The following PIK3C2A variants were observed in gnomAD, a reference collection of about 807,000 sequenced individuals.
The protein encoded by PIK3C2A is phosphatidylinositol 4-phosphate 3-kinase C2 domain-containing subunit alpha.
PIK3C2A carries 97 observed loss-of-function variants against 204.5 expected under a neutral mutation model. That is an observed-to-expected ratio of 0.47 (90% CI 0.40 to 0.56). The LOEUF is 0.56. Among genes scored for constraint, PIK3C2A ranks in the 20% least tolerant of loss-of-function variants. PIK3C2A has a pLI of 0.00. For synonymous variants in PIK3C2A, 653 were observed against 664.4 expected (o/e 0.98, Z 0.26); for missense variants, 1,735 against 1,969.2 (o/e 0.88, Z 2.25).
intron 19 of PIK3C2A, among the ~76,000 whole-genome samples, chr11:17,116,073 T>C (rs1001344340): frequency 2.0e-5 from 3 of 152,144 alleles, no homozygotes; most frequent in African/African-American, 7.2e-5. Flanking sequence ...CATTTTTGTA[T>C]TAATATATTA....
In PIK3C2A at chr11:17,155,506, T is replaced by C. The variant is rs1181876008; in HGVS notation, c.1169+20A>G. 2.2e-6 allele frequency: 3 copies of C among 1,388,456 alleles called. No homozygotes were observed. The highest frequency in any genetic ancestry group is 3.0e-6 in the Non-Finnish European group (3 of 988,936). The allele number at this position is 1,388,456 out of a possible 1,614,324, so 86.0% of individuals were successfully genotyped here. The stretch of plus-strand genomic sequence containing the variant: ...CAAGTGAATTTTTCAAATGAACATT[T>C]ATAAAGAAAAATTCCTTACTTTGTA... On this transcript the variant is annotated intron_variant, in intron 3 of 32. Coordinates refer to ENST00000691414, the MANE Select transcript of PIK3C2A (RefSeq NM_002645.4).
At chr11:17,151,500 G>A (rs1302231366) in intron 3 of PIK3C2A, among the ~76,000 whole-genome samples, 18 of 152,166 alleles carry the variant, frequency 1.2e-4, no homozygotes. Context: ...AACAGCTTGA[G>A]ATGACAGAAA....
At chr11:17,112,423 A>C (rs541627195) in intron 21 of PIK3C2A, 151 bp downstream of exon 21, 1 of 339,100 alleles carries the variant, frequency 2.9e-6, no homozygotes, top group Admixed American at 4.8e-5. Flanking sequence ...ACTGCACTCC[A>C]GCCTGAGCGT....
At chr11:17,132,309 ACTTTAAT>A (rs1399187347) in intron 11 of PIK3C2A, among the ~76,000 whole-genome samples, 4 of 145,866 alleles carry the variant, frequency 2.7e-5, no homozygotes, top group South Asian at 2.1e-4. Context: ...TGAATAATTA[ACTTTAAT>A]TTTTTTTTTT....
intron 1 of PIK3C2A, among the ~76,000 whole-genome samples, chr11:17,175,221 C>G (rs770557526): frequency 6.6e-5 from 10 of 152,168 alleles, no homozygotes; most frequent in Non-Finnish European, 1.5e-4. Flanking sequence ...GTTTTTCTCA[C>G]ATCACCAATG....
At chr11:17,136,780 A>G (rs561702162) in intron 8 of PIK3C2A, among the ~76,000 whole-genome samples, 155 bp from the exon 9 acceptor site, 5 of 152,364 alleles carry the variant, frequency 3.3e-5, no homozygotes, top group African/African-American at 1.2e-4. Context: ...TCAATTGTAT[A>G]GTTTATTTCA....
chr11:17,106,115 A>AC (rs948532101), intron 22 of PIK3C2A, among the ~76,000 whole-genome samples: 1 of 150,582 alleles, frequency 6.6e-6, no homozygotes, highest in Non-Finnish European at 1.5e-5. Context: ...TCTCAAAAAA[A>AC]AAAAAATCAA....
intron 8 of PIK3C2A, chr11:17,137,936 A>G (rs1405991589): frequency 9.2e-6 from 4 of 434,162 alleles, no homozygotes; most frequent in African/African-American, 2.0e-5. Context: ...ATTTTTTTAA[A>G]AAGTCTTTTA....
chr11:17,106,914 C>T (rs1848838602), intron 22 of PIK3C2A, among the ~76,000 whole-genome samples: 1 of 152,216 alleles, frequency 6.6e-6, no homozygotes, highest in Non-Finnish European at 1.5e-5. Flanking sequence ...GAGATGAAGA[C>T]TGACCTTGTG....
At chr11:17,194,207 G>A (rs1156780016) in intron 1 of PIK3C2A, 3 of 416,650 alleles carry the variant, frequency 7.2e-6, no homozygotes, top group East Asian at 4.8e-5. Flanking sequence ...CCGGCCAAAC[G>A]ACAAGGACAA....
chr11:17,095,085 T>C (rs910880140), intron 27 of PIK3C2A, among the ~76,000 whole-genome samples: 2 of 151,850 alleles, frequency 1.3e-5, no homozygotes, highest in African/African-American at 4.8e-5. Context: ...TCTGTTTCTA[T>C]AAAAAATATA....
intron 1 of PIK3C2A, chr11:17,194,342 G>A (rs906073634): frequency 1.1e-5 from 3 of 275,440 alleles, no homozygotes; most frequent in African/African-American, 6.6e-5. Context: ...CACAAGGACT[G>A]GTGCAACCTG....
chr11:17,146,919 C>G (rs1244820904), intron 6 of PIK3C2A, among the ~76,000 whole-genome samples: 1 of 152,034 alleles, frequency 6.6e-6, no homozygotes, highest in African/African-American at 2.4e-5. Flanking sequence ...AAAATTCTAA[C>G]AAATAAAGAA....
At chr11:17,151,325 T>C (rs1850420220) in intron 3 of PIK3C2A, among the ~76,000 whole-genome samples, 1 of 152,194 alleles carries the variant, frequency 6.6e-6, no homozygotes. Context: ...GACAAAGATT[T>C]GATAACTTCT....
intron 22 of PIK3C2A, among the ~76,000 whole-genome samples, chr11:17,107,443 G>C (rs917320890): frequency 1.2e-4 from 18 of 152,206 alleles, no homozygotes; most frequent in Admixed American, 3.9e-4. Flanking sequence ...ACAAAATCCA[G>C]ATGGAGAACT....
chr11:17,143,621 G>A (rs1236980945), intron 8 of PIK3C2A, among the ~76,000 whole-genome samples: 4 of 21,980 alleles, frequency 1.8e-4, no homozygotes, highest in Non-Finnish European at 3.2e-4. Context: ...GAAAGAATAT[G>A]TTAAAAAAAA....
At chr11:17,096,755 T>C (rs1173654475) in intron 27 of PIK3C2A, among the ~76,000 whole-genome samples, 1 of 152,226 alleles carries the variant, frequency 6.6e-6, no homozygotes, top group Non-Finnish European at 1.5e-5. Context: ...GTGCGTGTTT[T>C]GTATCAGAGA....
At chr11:17,178,777 C>T (rs1851430475) in intron 1 of PIK3C2A, among the ~76,000 whole-genome samples, 1 of 138,570 alleles carries the variant, frequency 7.2e-6, no homozygotes, top group Non-Finnish European at 1.5e-5. Flanking sequence ...GGCCGGACTG[C>T]GGACTGCAGT....
chr11:17,189,029 A>G (rs1260400171), intron 1 of PIK3C2A, among the ~76,000 whole-genome samples: 1 of 146,738 alleles, frequency 6.8e-6, no homozygotes, highest in Non-Finnish European at 1.5e-5. Flanking sequence ...GAACAAAGAG[A>G]ACCTCCCAGC....
Sources: gnomAD v4.1 joint callset for allele counts (sites outside exome capture counted in the v4.1 genomes callset) on GRCh38, gnomAD v4.1.1 for gene constraint, MANE v1.5 for transcripts, NCBI Gene and HGNC (gene_info 2026-07-23, HGNC 2026-07-21) for gene names.